Variants in CACNA2D1 observed in about 807,000 individuals in gnomAD.
The protein encoded by CACNA2D1 is calcium voltage-gated channel auxiliary subunit alpha2delta 1.
In CACNA2D1, 53 loss-of-function variants were observed where a neutral mutation model predicts 171.5. That is an observed-to-expected ratio of 0.31 (90% CI 0.25 to 0.39). The LOEUF is 0.39. CACNA2D1 is among the 10% of genes least tolerant of loss of function. CACNA2D1 has a pLI of 1.00. For synonymous variants in CACNA2D1, 442 were observed against 443.1 expected (o/e 1.00, Z 0.03); for missense variants, 903 against 1,299.8 (o/e 0.69, Z 4.69).
Position 82,005,465 on chromosome 7 carries a change from A to T in CACNA2D1, c.1548T>A (p.Asp516Glu). The T allele has an allele frequency of 6.3e-7, 1 of 1,597,548 alleles. No homozygotes were observed. The highest frequency in any genetic ancestry group is 8.6e-7 in the Non-Finnish European group (1 of 1,169,446). ...GATGTAATAAAACATAACCATTAGG[A>T]TCGATTGCAAAGTAATACCCATTGG... ...LCPNGYYFAI[D>E]PNGYVLLHPN... The change falls in exon 18 of 39, where the codon GAT becomes GAA. Residue 516 changes from aspartate (D) to glutamate (E), a missense_variant. By Grantham distance (45) the Asp-to-Glu change is conservative (BLOSUM62 2). This residue lies in a region of CACNA2D1 where 623 missense variants were observed against 925.5 expected (regional missense o/e 0.67). Coordinates refer to ENST00000356860, the MANE Select transcript of CACNA2D1 (RefSeq NM_000722.4).
chr7:82,378,793 T>C (rs1039565930), intron 1 of CACNA2D1, among the ~76,000 whole-genome samples: 2 of 152,200 alleles, frequency 1.3e-5, no homozygotes, highest in Admixed American at 6.5e-5. Flanking sequence ...GAAGCCACCA[T>C]TGAAGATGTC....
At chr7:82,157,893 C>A (rs1381046620) in intron 4 of CACNA2D1, among the ~76,000 whole-genome samples, 1 of 151,820 alleles carries the variant, frequency 6.6e-6, no homozygotes, top group African/African-American at 2.4e-5. Context: ...TTGTTGAGTT[C>A]TAAGGTAACA....
chr7:82,386,073 T>C (rs1010594156), intron 1 of CACNA2D1, among the ~76,000 whole-genome samples: 8 of 152,172 alleles, frequency 5.3e-5, no homozygotes, highest in African/African-American at 1.9e-4. Context: ...AATTTCAAAA[T>C]ATTTTTGGTT....
chr7:82,080,611 C>A (rs1809631633), intron 7 of CACNA2D1, among the ~76,000 whole-genome samples: 1 of 152,210 alleles, frequency 6.6e-6, no homozygotes, highest in Non-Finnish European at 1.5e-5. Context: ...ATGAAGCATA[C>A]TTACACTAAC....
chr7:81,983,268 C>G, intron 23 of CACNA2D1, 46 bp downstream of exon 23: 1 of 1,505,690 alleles, frequency 6.6e-7, no homozygotes, highest in Non-Finnish European at 9.2e-7. Flanking sequence ...GTGGAAATGT[C>G]AAGTGTACTA....
In CACNA2D1 at chr7:81,974,539, C is replaced by A; in HGVS notation, c.1969G>T (p.Asp657Tyr). 1.3e-6 allele frequency: 2 copies of A among 1,510,144 alleles called. No homozygotes were observed. The highest frequency in any genetic ancestry group is 2.3e-5 in the South Asian group (2 of 88,404). The allele number at this position is 1,510,144 out of a possible 1,614,324, so 93.5% of individuals were successfully genotyped here. Reference protein sequence around the residue: ...TFIAPRDYCNDLKISDNNTEF... With the variant: ...TFIAPRDYCNYLKISDNNTEF... Reference sequence around the variant, plus strand: ...GTGTTATTATCCGATATTTTCAGGTCATTGCAGTAATCTCTGAAAAAAAAA... The same window carrying A: ...GTGTTATTATCCGATATTTTCAGGTAATTGCAGTAATCTCTGAAAAAAAAA... Residue 657 changes from aspartate to tyrosine, a missense_variant, in exon 25 of 39, where the codon GAC (aspartate) becomes TAC (tyrosine). Coordinates refer to ENST00000356860, the MANE Select transcript of CACNA2D1 (RefSeq NM_000722.4).
At chr7:82,184,201 G>A (rs946792802) in intron 3 of CACNA2D1, among the ~76,000 whole-genome samples, 1 of 147,902 alleles carries the variant, frequency 6.8e-6, no homozygotes, top group Non-Finnish European at 1.5e-5. Flanking sequence ...AATACATGGA[G>A]GGGGATGGAT....
At chr7:82,044,046 A>G (rs1374056103) in intron 10 of CACNA2D1, among the ~76,000 whole-genome samples, 2 of 152,290 alleles carry the variant, frequency 1.3e-5, no homozygotes, top group Non-Finnish European at 2.9e-5. Flanking sequence ...TGTCTTTTTA[A>G]AATTATTTTT....
rs1812357070 is a variant in CACNA2D1 at position 82,099,419 on chromosome 7, CTTCTTTTTTTTTTT to C, written c.527-14533_527-14520del. Among the ~76,000 whole-genome samples, 17 of 50,578 alleles carry C rather than the reference CTTCTTTTTTTTTTT, an allele frequency of 3.4e-4. 3 individuals are homozygous for C. Among genetic ancestry groups the C allele is most frequent in the Non-Finnish European group, 5.3e-4 (12 of 22,514 alleles). 33.2% of individuals were successfully genotyped at this position (50,578 alleles called of 152,430 possible). ...CATACTCTAAAACAGGTAGCAATACCTTCTTTTTTTTTTTTTTTTTTTTTTTTTTTTTTTTTTTT... is the reference window on the plus strand; with the variant it reads ...CATACTCTAAAACAGGTAGCAATACCTTTTTTTTTTTTTTTTTTTTTTTTT... On this transcript the variant is annotated intron_variant, in intron 6 of 38. Transcript: ENST00000356860.
intron 9 of CACNA2D1, among the ~76,000 whole-genome samples, chr7:82,062,715 A>G (rs1193882205): frequency 8.7e-6 from 1 of 114,810 alleles, no homozygotes; most frequent in South Asian, 2.8e-4. Context: ...TGTCATTTAC[A>G]TTAGGTATAT....
intron 1 of CACNA2D1, among the ~76,000 whole-genome samples, chr7:82,418,180 G>C (rs1231790677): frequency 6.6e-6 from 1 of 152,140 alleles, no homozygotes; most frequent in Non-Finnish European, 1.5e-5. Flanking sequence ...CAGCAAAGGA[G>C]GAAGTTCCTT....
At chr7:81,958,982 G>A (rs1793773002) in intron 38 of CACNA2D1, among the ~76,000 whole-genome samples, 2 of 151,854 alleles carry the variant, frequency 1.3e-5, no homozygotes, top group Admixed American at 1.3e-4. Flanking sequence ...GAATATAAAT[G>A]GAGGCAACAA....
chr7:82,376,386 C>T (rs1056267699), intron 1 of CACNA2D1, among the ~76,000 whole-genome samples: 1 of 152,168 alleles, frequency 6.6e-6, no homozygotes, highest in Non-Finnish European at 1.5e-5. Flanking sequence ...TAGATATTGT[C>T]CTTGCTTTAC....
At chr7:82,320,035 G>A (rs1815620629) in intron 3 of CACNA2D1, among the ~76,000 whole-genome samples, 1 of 151,916 alleles carries the variant, frequency 6.6e-6, no homozygotes, top group South Asian at 2.1e-4. Flanking sequence ...ATATGAGCTG[G>A]TATCTGGAAT....
At chr7:82,208,986 AG>A (rs1308041181) in intron 3 of CACNA2D1, among the ~76,000 whole-genome samples, 1 of 152,246 alleles carries the variant, frequency 6.6e-6, no homozygotes, top group Non-Finnish European at 1.5e-5. Flanking sequence ...GATTTTAAAA[AG>A]AAAAGCTCAG....
At chr7:82,420,741 C>T (rs560591458) in intron 1 of CACNA2D1, among the ~76,000 whole-genome samples, 27 of 151,814 alleles carry the variant, frequency 1.8e-4, no homozygotes, top group African/African-American at 5.6e-4. Flanking sequence ...GAGTACTTGC[C>T]TGTGATAAAT....
intron 3 of CACNA2D1, among the ~76,000 whole-genome samples, chr7:82,180,054 C>T (rs1470513747): frequency 6.6e-6 from 1 of 152,020 alleles, no homozygotes; most frequent in Admixed American, 6.6e-5. Flanking sequence ...TTTCAATCAC[C>T]ATATTGAGAG....
chr7:81,972,445 A>G (rs1053971021), intron 25 of CACNA2D1, among the ~76,000 whole-genome samples: 6 of 151,864 alleles, frequency 4.0e-5, no homozygotes, highest in African/African-American at 1.2e-4. Flanking sequence ...TCAGTGCCGC[A>G]TATCGAGGAG....
rs73704292 is a variant in CACNA2D1 at position 82,431,688 on chromosome 7, C to T, written c.95+11677G>A. 3.0e-3 allele frequency among the ~76,000 whole-genome samples: 450 copies of T among 152,126 alleles called. 5 individuals carry two copies. The highest frequency in any genetic ancestry group is 0.011 in the African/African-American group (438 of 41,474). ...TACCCTAAACTTGTTCCCGCATTTACAAAACAAAGATAATAATAATACTTA... is the reference window on the plus strand; with the variant it reads ...TACCCTAAACTTGTTCCCGCATTTATAAAACAAAGATAATAATAATACTTA... On this transcript the variant is annotated intron_variant, in intron 1 of 38. Transcript: ENST00000356860.
Sources: allele counts gnomAD v4.1 joint callset (sites outside exome capture counted in the v4.1 genomes callset), GRCh38; gene constraint gnomAD v4.1.1; regional missense constraint gnomAD v4.1.1; transcripts MANE v1.5; gene names NCBI Gene and HGNC (gene_info 2026-07-23, HGNC 2026-07-21).